RANBP2: variants seen among roughly 807,000 people sequenced by gnomAD.
RANBP2 encodes RAN binding protein 2.
A neutral mutation model predicts 303.6 loss-of-function variants in RANBP2; 57 were observed. The observed-to-expected ratio is 0.19, with a 90% CI of 0.15 to 0.23. The LOEUF is 0.23. Among genes scored for constraint, RANBP2 ranks in the 10% least tolerant of loss-of-function variants. The probability of loss-of-function intolerance (pLI) is 1.00; values close to 1 mark genes in which losing one functional copy is unlikely to be tolerated. For synonymous variants in RANBP2, 1,167 were observed against 1,301.5 expected, an observed-to-expected ratio of 0.90 and a Z score of 2.23; for missense variants, 3,138 against 3,780.8, an observed-to-expected ratio of 0.83 and a Z score of 4.46.
the RANBP2 span, among the ~76,000 whole-genome samples, chr2:109,710,905 A>C: frequency 2.6e-5 from 4 of 152,096 alleles, no homozygotes; most frequent in Admixed American, 1.3e-4. Flanking sequence ...TAGGAAGGGG[A>C]TTCAGCTCTG....
the RANBP2 span, among the ~76,000 whole-genome samples, chr2:108,967,954 C>G: frequency 6.6e-6 from 1 of 152,140 alleles, no homozygotes; most frequent in Non-Finnish European, 1.5e-5. Context: ...AGGGCCCCAG[C>G]CACAGGGGTA....
At chr2:109,394,296 A>G in the RANBP2 span, among the ~76,000 whole-genome samples, 1 of 152,240 alleles carries the variant, frequency 6.6e-6, no homozygotes, top group Admixed American at 6.5e-5. Flanking sequence ...CACAGAGACC[A>G]TAGGGTGGTA....
At chr2:109,340,227 C>T in the RANBP2 span, among the ~76,000 whole-genome samples, 1 of 152,100 alleles carries the variant, frequency 6.6e-6, no homozygotes, top group African/African-American at 2.4e-5. Context: ...TACTGGACCT[C>T]ACTGTGCTCC....
At chr2:109,514,599 C>G in the RANBP2 span, among the ~76,000 whole-genome samples, 1 of 152,178 alleles carries the variant, frequency 6.6e-6, no homozygotes, top group Admixed American at 6.5e-5. Flanking sequence ...GCTCTTTCCC[C>G]TGTGTACAGA....
the RANBP2 span, chr2:109,732,832 T>C: frequency 7.7e-7 from 1 of 1,296,234 alleles, no homozygotes; most frequent in Non-Finnish European, 1.1e-6. Flanking sequence ...CTAGAAACCC[T>C]CCTGGCTTTG....
the RANBP2 span, among the ~76,000 whole-genome samples, chr2:109,424,151 C>T: frequency 1.3e-5 from 2 of 152,204 alleles, no homozygotes; most frequent in Admixed American, 1.3e-4. Context: ...TCAGGACACA[C>T]CTGCGCTGTG....
chr2:108,955,662 C>A, the RANBP2 span, among the ~76,000 whole-genome samples: 1 of 151,400 alleles, frequency 6.6e-6, no homozygotes, highest in African/African-American at 2.4e-5. Context: ...GCCGAGATCA[C>A]ACCACTGCAC....
chr2:109,302,305 C>G, the RANBP2 span, among the ~76,000 whole-genome samples: 2 of 152,312 alleles, frequency 1.3e-5, 1 homozygote, highest in South Asian at 4.1e-4. Flanking sequence ...TCCATAACAG[C>G]ATATCTGTGA....
chr2:109,131,978 G>A, the RANBP2 span, among the ~76,000 whole-genome samples: 1 of 152,196 alleles, frequency 6.6e-6, no homozygotes, highest in Non-Finnish European at 1.5e-5. Flanking sequence ...CTTCGGGAGT[G>A]GGAAGGATTG....
At chr2:109,268,141 C>T in the RANBP2 span, among the ~76,000 whole-genome samples, 5 of 151,830 alleles carry the variant, frequency 3.3e-5, no homozygotes, top group African/African-American at 7.3e-5. Flanking sequence ...CTCCTTTGGT[C>T]GTCACTTTTG....
chr2:109,629,703 C>G, the RANBP2 span, among the ~76,000 whole-genome samples: 1 of 151,504 alleles, frequency 6.6e-6, no homozygotes, highest in Non-Finnish European at 1.5e-5. Context: ...CCCAGCTACT[C>G]GGGAGGCTGA....
At chr2:109,016,164 C>T in the RANBP2 span, among the ~76,000 whole-genome samples, 21 of 152,314 alleles carry the variant, frequency 1.4e-4, no homozygotes, top group South Asian at 1.2e-3. Flanking sequence ...TTACTGCAAG[C>T]TCCGCCTCCC....
At chr2:109,478,702 G>C in the RANBP2 span, among the ~76,000 whole-genome samples, 1 of 152,160 alleles carries the variant, frequency 6.6e-6, no homozygotes, top group Admixed American at 6.5e-5. Context: ...AGGGAGAGAG[G>C]GGGAGAGTCT....
chr2:109,549,134 G>C, the RANBP2 span, among the ~76,000 whole-genome samples: 5 of 152,178 alleles, frequency 3.3e-5, no homozygotes, highest in Non-Finnish European at 5.9e-5. Flanking sequence ...ACACTCCCCA[G>C]ATGTCATTCA....
chr2:108,912,256 G>A, the RANBP2 span, among the ~76,000 whole-genome samples: 1 of 152,188 alleles, frequency 6.6e-6, no homozygotes, highest in Non-Finnish European at 1.5e-5. Context: ...CTTCTTCCCT[G>A]GTTAGGGAGA....
At chr2:109,062,546 T>A in the RANBP2 span, among the ~76,000 whole-genome samples, 4 of 152,112 alleles carry the variant, frequency 2.6e-5, no homozygotes, top group African/African-American at 9.7e-5. Context: ...CAAGACAGAT[T>A]TCCACACCCA....
the RANBP2 span, among the ~76,000 whole-genome samples, chr2:109,054,949 T>G: frequency 4.9e-3 from 747 of 152,310 alleles, 6 homozygotes; most frequent in African/African-American, 0.017. Flanking sequence ...CAGTCCTTTT[T>G]ATTGCTAAGT....
the RANBP2 span, among the ~76,000 whole-genome samples, chr2:109,603,186 T>C: frequency 6.6e-6 from 1 of 152,134 alleles, no homozygotes; most frequent in South Asian, 2.1e-4. Flanking sequence ...ATGCTTATTG[T>C]TTTTCACTTA....
chr2:109,123,400 C>T, the RANBP2 span, among the ~76,000 whole-genome samples: 7 of 149,202 alleles, frequency 4.7e-5, no homozygotes, highest in South Asian at 8.8e-4. Flanking sequence ...CCCTCCCTTC[C>T]CCTGAAGCAC....
Sources: gnomAD v4.1 joint callset for allele counts (sites outside exome capture counted in the v4.1 genomes callset) on GRCh38, gnomAD v4.1.1 for gene constraint, MANE v1.5 for transcripts, NCBI Gene and HGNC (gene_info 2026-07-23, HGNC 2026-07-21) for gene names.